Variants in CNTNAP2 observed in about 807,000 individuals in gnomAD.
CNTNAP2 encodes contactin-associated protein-like 2.
In CNTNAP2, 98 loss-of-function variants were observed where a neutral mutation model predicts 155.2. The ratio of observed to expected loss-of-function variants is 0.63; its 90% CI spans 0.54 to 0.75. The LOEUF (loss-of-function observed/expected upper bound fraction) is 0.75. Among genes scored for constraint, CNTNAP2 ranks in the 30% least tolerant of loss-of-function variants. The probability of loss-of-function intolerance (pLI) is 0.00; values close to 1 mark genes in which losing one functional copy is unlikely to be tolerated. For synonymous variants in CNTNAP2, 651 were observed against 631.2 expected, an observed-to-expected ratio of 1.03 and a Z score of -0.47; for missense variants, 1,727 against 1,688.1, an observed-to-expected ratio of 1.02 and a Z score of -0.40.
intron 9 of CNTNAP2, among the ~76,000 whole-genome samples, chr7:147,314,356 A>G (rs1263891106): frequency 6.6e-6 from 1 of 152,150 alleles, no homozygotes; most frequent in Non-Finnish European, 1.5e-5. Context: ...TACTTTTCCA[A>G]TCAAAAAAAT....
intron 10 of CNTNAP2, among the ~76,000 whole-genome samples, chr7:147,459,579 T>A (rs997224766): frequency 6.6e-6 from 1 of 152,086 alleles, no homozygotes; most frequent in Non-Finnish European, 1.5e-5. Context: ...ATGAAAAGAC[T>A]ACCAGGACCA....
intron 3 of CNTNAP2, among the ~76,000 whole-genome samples, chr7:146,971,913 A>C (rs141462591): frequency 3.8e-4 from 58 of 152,268 alleles, no homozygotes; most frequent in Middle Eastern, 3.4e-3. Flanking sequence ...TTTTAATCCT[A>C]AGAAATTTAT....
intron 1 of CNTNAP2, among the ~76,000 whole-genome samples, chr7:146,134,281 A>G (rs1437909147): frequency 6.7e-6 from 1 of 148,472 alleles, no homozygotes; most frequent in Non-Finnish European, 1.5e-5. Flanking sequence ...ACTTTGCTGA[A>G]GTTGCTTATC....
At chr7:147,790,151 T>C (rs79383032) in intron 13 of CNTNAP2, among the ~76,000 whole-genome samples, 23,201 of 152,194 alleles carry the variant, frequency 0.15, 1,984 homozygotes, top group Middle Eastern at 0.27. Context: ...TGTTTATCAT[T>C]CAGCTTCCCG....
chr7:146,621,655 C>G (rs1799319649), intron 1 of CNTNAP2, among the ~76,000 whole-genome samples: 1 of 152,160 alleles, frequency 6.6e-6, no homozygotes, highest in African/African-American at 2.4e-5. Flanking sequence ...TCACCACATT[C>G]TATCTAGGAT....
chr7:148,124,505 G>A (rs924444777), intron 16 of CNTNAP2, among the ~76,000 whole-genome samples: 1 of 152,108 alleles, frequency 6.6e-6, no homozygotes, highest in Admixed American at 6.5e-5. Context: ...CACCTCCTGA[G>A]CACCTGCCCT....
chr7:146,547,064 G>T (rs538427457), intron 1 of CNTNAP2, among the ~76,000 whole-genome samples: 1 of 152,040 alleles, frequency 6.6e-6, no homozygotes, highest in African/African-American at 2.4e-5. Context: ...TTCAGCCACG[G>T]TGTAAGTTCG....
intron 1 of CNTNAP2, among the ~76,000 whole-genome samples, chr7:146,642,665 T>A (rs1204341307): frequency 2.0e-5 from 3 of 152,038 alleles, no homozygotes; most frequent in African/African-American, 4.8e-5. Flanking sequence ...GTCCTTTGGG[T>A]ATATACCCAG....
At chr7:146,654,906 A>C (rs1799970785) in intron 1 of CNTNAP2, among the ~76,000 whole-genome samples, 1 of 152,124 alleles carries the variant, frequency 6.6e-6, no homozygotes, top group South Asian at 2.1e-4. Flanking sequence ...TTTTAATTGG[A>C]AAATTAAGTG....
chr7:147,730,062 T>G (rs1429379104), intron 13 of CNTNAP2, among the ~76,000 whole-genome samples: 1 of 152,140 alleles, frequency 6.6e-6, no homozygotes, highest in Non-Finnish European at 1.5e-5. Context: ...TTGACTTCAT[T>G]GAGCAAACAG....
At chr7:147,212,261 C>T (rs974844465) in intron 8 of CNTNAP2, among the ~76,000 whole-genome samples, 1 of 152,080 alleles carries the variant, frequency 6.6e-6, no homozygotes, top group South Asian at 2.1e-4. Flanking sequence ...CAAAAGAAAA[C>T]ATATCATTTT....
At chr7:148,265,420 C>T (rs1183681784) in intron 20 of CNTNAP2, among the ~76,000 whole-genome samples, 1 of 151,698 alleles carries the variant, frequency 6.6e-6, no homozygotes, top group Non-Finnish European at 1.5e-5. Flanking sequence ...ACTACCGGTG[C>T]ACACCACCAC....
At chr7:147,345,229 C>G (rs1161970547) in intron 9 of CNTNAP2, among the ~76,000 whole-genome samples, 2 of 152,004 alleles carry the variant, frequency 1.3e-5, no homozygotes, top group African/African-American at 4.8e-5. Context: ...CATGTTAAAC[C>G]CACACAATTT....
intron 9 of CNTNAP2, among the ~76,000 whole-genome samples, chr7:147,349,281 A>C (rs1174037441): frequency 6.6e-6 from 1 of 151,902 alleles, no homozygotes; most frequent in East Asian, 1.9e-4. Context: ...TAAAAGTAAA[A>C]TTTTAAAAAA....
At chr7:147,915,114 A>G (rs1183123755) in intron 14 of CNTNAP2, among the ~76,000 whole-genome samples, 1 of 152,224 alleles carries the variant, frequency 6.6e-6, no homozygotes, top group African/African-American at 2.4e-5. Flanking sequence ...AGTACATAAT[A>G]AAACAATACT....
chr7:147,722,478 T>C (rs1796579271), intron 13 of CNTNAP2, among the ~76,000 whole-genome samples: 1 of 152,100 alleles, frequency 6.6e-6, no homozygotes, highest in South Asian at 2.1e-4. Context: ...AGGAAGGTCA[T>C]AGTGTATCCG....
At chr7:146,882,583 G>T (rs1049412494) in intron 3 of CNTNAP2, among the ~76,000 whole-genome samples, 22 of 152,000 alleles carry the variant, frequency 1.4e-4, no homozygotes, top group African/African-American at 5.3e-4. Context: ...CCATGATTGT[G>T]AGTTTCCTGA....
chr7:148,190,106 A>G (rs1384434885), intron 18 of CNTNAP2: 1 of 152,240 alleles, frequency 6.6e-6, no homozygotes, highest in Non-Finnish European at 1.5e-5. Context: ...TGCTTAAGCC[A>G]ACAGAATGTG....
rs1300153414 is a variant in CNTNAP2, at chr7:148,301,036, C to G, written c.3475+33910C>G. On this transcript the variant is annotated intron_variant, in intron 21 of 23. Coordinates refer to ENST00000361727, the MANE Select transcript of CNTNAP2 (RefSeq NM_014141.6). ...ATGGGCCAGGCATGGTGGCTCACAC[C>G]TGTAATCCCAGCACTTTGGGAGGCC... Among the ~76,000 whole-genome samples the G allele has an allele frequency of 3.9e-5, 6 of 152,230 alleles. No individual in the cohort carries two copies. The East Asian group carries it at 1.2e-3, about 29-fold the overall frequency.
Sources: allele counts gnomAD v4.1 joint callset (sites outside exome capture counted in the v4.1 genomes callset), GRCh38; gene constraint gnomAD v4.1.1; transcripts MANE v1.5; gene names NCBI Gene and HGNC (gene_info 2026-07-23, HGNC 2026-07-21).